The following CCSER1 variants were observed in gnomAD, a reference collection of about 807,000 sequenced individuals.
CCSER1 encodes coiled-coil serine rich protein 1.
Under a neutral mutation model 82.0 loss-of-function variants are expected in CCSER1, and 41 were observed. That is an observed-to-expected ratio of 0.50 (90% CI 0.39 to 0.65). The LOEUF (loss-of-function observed/expected upper bound fraction) is 0.65, where lower values mean the gene tolerates loss of function less well. Ranked by LOEUF, CCSER1 falls within the 30% of genes least tolerant of loss-of-function variation. The pLI is 0.00. For synonymous variants in CCSER1, 414 were observed against 383.9 expected (o/e 1.08, Z -0.92); for missense variants, 1,119 against 1,064.2 (o/e 1.05, Z -0.72).
intron 1 of CCSER1, among the ~76,000 whole-genome samples, chr4:90,201,874 A>G (rs891324111): frequency 2.0e-5 from 3 of 152,116 alleles, no homozygotes; most frequent in Non-Finnish European, 4.4e-5. Context: ...TTTACTGAAG[A>G]TTATCATAGT....
At chr4:90,444,364 C>T (rs1760331985) in intron 4 of CCSER1, among the ~76,000 whole-genome samples, 1 of 151,996 alleles carries the variant, frequency 6.6e-6, no homozygotes. Context: ...TGCACCCACA[C>T]GTTTGAAGCA....
intron 1 of CCSER1, among the ~76,000 whole-genome samples, chr4:90,269,782 A>T (rs1469013334): frequency 6.6e-6 from 1 of 152,026 alleles, no homozygotes; most frequent in Non-Finnish European, 1.5e-5. Flanking sequence ...ACAAACCTTT[A>T]GCCTGACTAA....
At chr4:91,210,936 G>A (rs182324781) in intron 10 of CCSER1, among the ~76,000 whole-genome samples, 186 of 151,922 alleles carry the variant, frequency 1.2e-3, no homozygotes, top group Middle Eastern at 3.4e-3. Flanking sequence ...GGGTGTGATC[G>A]GGCATCAGGT....
At chr4:90,850,865 G>T (rs1763793671) in intron 8 of CCSER1, among the ~76,000 whole-genome samples, 1 of 152,132 alleles carries the variant, frequency 6.6e-6, no homozygotes, top group Non-Finnish European at 1.5e-5. Context: ...ATTTGGTAGG[G>T]GCTGGGACAG....
chr4:91,006,497 T>G (rs573557361), intron 9 of CCSER1, among the ~76,000 whole-genome samples: 1 of 151,772 alleles, frequency 6.6e-6, no homozygotes, highest in South Asian at 2.1e-4. Context: ...TTTTTCTTTT[T>G]TTTTTTTTCT....
Position 90,666,317 on chromosome 4 carries a change from T to C in CCSER1, c.1932+38085T>C, listed in dbSNP as rs576491947. Among the ~76,000 whole-genome samples the C allele has an allele frequency of 7.2e-5, 11 of 152,312 alleles. No homozygotes were observed. The South Asian group carries it at 1.9e-3, about 26-fold the overall frequency. ...GTCCTTTTTGCCATGTTATGTTACA[T>C]AGTCACAGGCTTGACACCATGGGCA... On this transcript the variant is annotated intron_variant, in intron 6 of 10. Coordinates refer to ENST00000509176, the MANE Select transcript of CCSER1 (RefSeq NM_001145065.2).
At chr4:90,943,729 ATTTTTTTTTTT>A (rs70965460) in intron 9 of CCSER1, among the ~76,000 whole-genome samples, 26 of 68,886 alleles carry the variant, frequency 3.8e-4, no homozygotes, top group Admixed American at 9.1e-4. Flanking sequence ...TGCCAGGCTA[ATTTTTTTTTTT>A]TTTTTTTTTT....
At chr4:90,495,556 T>G (rs1316732938) in intron 5 of CCSER1, among the ~76,000 whole-genome samples, 2 of 152,192 alleles carry the variant, frequency 1.3e-5, no homozygotes, top group Non-Finnish European at 2.9e-5. Flanking sequence ...TAAACAGTAC[T>G]CTAAAATATA....
chr4:90,464,298 A>G (rs1358551876), intron 4 of CCSER1, among the ~76,000 whole-genome samples: 1 of 152,216 alleles, frequency 6.6e-6, no homozygotes, highest in Non-Finnish European at 1.5e-5. Context: ...AGTGCTTAGA[A>G]CCAAGTTTTA....
intron 9 of CCSER1, among the ~76,000 whole-genome samples, chr4:91,070,040 A>C (rs1721264216): frequency 6.7e-6 from 1 of 150,216 alleles, no homozygotes; most frequent in South Asian, 2.1e-4. Flanking sequence ...GCTGGAGTGC[A>C]GTGGTGCCAT....
At chr4:90,569,042 A>G (rs1779786943) in intron 5 of CCSER1, among the ~76,000 whole-genome samples, 1 of 152,030 alleles carries the variant, frequency 6.6e-6, no homozygotes, top group Non-Finnish European at 1.5e-5. Context: ...ATGAGCCACC[A>G]TGCCTGGCCT....
chr4:91,271,424 C>T (rs1202341254), intron 10 of CCSER1, among the ~76,000 whole-genome samples: 1 of 152,128 alleles, frequency 6.6e-6, no homozygotes, highest in Non-Finnish European at 1.5e-5. Flanking sequence ...CCCTTCCCAC[C>T]CTTTCCTCCT....
At chr4:90,299,114 A>T (rs1490691832) in intron 1 of CCSER1, among the ~76,000 whole-genome samples, 1 of 152,044 alleles carries the variant, frequency 6.6e-6, no homozygotes, top group Non-Finnish European at 1.5e-5. Context: ...CCCTTAATTA[A>T]TTAATCCAAA....
chr4:90,136,062 C>T (rs1300688699), intron 1 of CCSER1, among the ~76,000 whole-genome samples: 3 of 152,170 alleles, frequency 2.0e-5, no homozygotes, highest in African/African-American at 7.2e-5. Flanking sequence ...TCTGCAGTCT[C>T]CTTCATAACC....
chr4:90,554,162 C>A (rs1304624196), intron 5 of CCSER1, among the ~76,000 whole-genome samples: 2 of 152,068 alleles, frequency 1.3e-5, no homozygotes, highest in Non-Finnish European at 2.9e-5. Flanking sequence ...GAGTTTGAGA[C>A]CAGCCTGGGC....
In CCSER1 at chr4:90,606,695, G is replaced by A. The variant is rs532784788; in HGVS notation, c.1725-21330G>A. 2.0e-5 allele frequency among the ~76,000 whole-genome samples: 3 copies of A among 152,258 alleles called. No homozygotes were observed. In the South Asian group the frequency reaches 6.2e-4, roughly 32 times the overall value. On this transcript the variant is annotated intron_variant, in intron 5 of 10. Transcript: ENST00000509176. The stretch of plus-strand genomic sequence containing the variant: ...CTATGGCATGGATATGCAGGAAAAA[G>A]TGGATAAAATTATATTTTGACAACT...
At chr4:90,908,826 T>G (rs1219686687) in intron 8 of CCSER1, among the ~76,000 whole-genome samples, 1 of 152,168 alleles carries the variant, frequency 6.6e-6, no homozygotes, top group Non-Finnish European at 1.5e-5. Flanking sequence ...CATGTTACTC[T>G]GCTATTATTT....
intron 10 of CCSER1, among the ~76,000 whole-genome samples, chr4:91,398,044 G>A (rs1752094734): frequency 6.6e-6 from 1 of 151,864 alleles, no homozygotes; most frequent in South Asian, 2.1e-4. Flanking sequence ...ATATTACCTA[G>A]GTAGCAATGA....
chr4:90,969,443 A>C (rs1007158220), intron 9 of CCSER1, among the ~76,000 whole-genome samples: 3 of 152,012 alleles, frequency 2.0e-5, no homozygotes, highest in East Asian at 1.9e-4. Context: ...AACCCCATTA[A>C]GCTATTAGAT....
Sources: allele counts gnomAD v4.1 joint callset (sites outside exome capture counted in the v4.1 genomes callset), GRCh38; gene constraint gnomAD v4.1.1; transcripts MANE v1.5; gene names NCBI Gene and HGNC (gene_info 2026-07-23, HGNC 2026-07-21).